CHL1: variants seen among roughly 807,000 people sequenced by gnomAD.
The protein encoded by CHL1 is cell adhesion molecule L1 like.
In CHL1, 96 loss-of-function variants were observed where a neutral mutation model predicts 141.9. The observed-to-expected ratio is 0.68, with a 90% confidence interval of 0.57 to 0.80. The LOEUF (loss-of-function observed/expected upper bound fraction) is 0.80, where lower values mean the gene tolerates loss of function less well. Ranked by LOEUF, CHL1 falls within the 30% of genes least tolerant of loss-of-function variation. The pLI is 0.00. For missense variants in CHL1, 1,820 were observed against 1,457.2 expected, an observed-to-expected ratio of 1.25 and a Z score of -4.05; for synonymous variants, 613 against 502.2, an observed-to-expected ratio of 1.22 and a Z score of -2.95.
At chr3:340,142 C>T (rs1285875830) in intron 5 of CHL1, among the ~76,000 whole-genome samples, 3 of 152,098 alleles carry the variant, frequency 2.0e-5, no homozygotes, top group Non-Finnish European at 4.4e-5. Context: ...AAATTGACTC[C>T]AGTGTGGGGA....
intron 2 of CHL1, among the ~76,000 whole-genome samples, chr3:313,645 A>C (rs1370685680): frequency 6.6e-6 from 1 of 152,188 alleles, no homozygotes; most frequent in Non-Finnish European, 1.5e-5. Flanking sequence ...TTTTAAAATA[A>C]TTTGTTTTAG....
chr3:317,036 A>G (rs147983245), intron 2 of CHL1, among the ~76,000 whole-genome samples: 9 of 152,088 alleles, frequency 5.9e-5, no homozygotes, highest in African/African-American at 1.7e-4. Flanking sequence ...TGGAGCTTTC[A>G]TCGTCAGCTA....
chr3:402,693 G>A (rs972672544), intron 27 of CHL1, among the ~76,000 whole-genome samples: 3 of 151,926 alleles, frequency 2.0e-5, no homozygotes, highest in African/African-American at 4.8e-5. Flanking sequence ...CCATTTTGTG[G>A]TATACTTATT....
chr3:327,508 G>A (rs1701107906), intron 4 of CHL1, among the ~76,000 whole-genome samples: 1 of 151,772 alleles, frequency 6.6e-6, no homozygotes, highest in Non-Finnish European at 1.5e-5. Context: ...TTATTTCTAA[G>A]GAACTGGCAT....
At chr3:336,089 C>G (rs1370872096) in intron 5 of CHL1, among the ~76,000 whole-genome samples, 2 of 152,104 alleles carry the variant, frequency 1.3e-5, no homozygotes, top group African/African-American at 4.8e-5. Flanking sequence ...TCAAAGATCG[C>G]ATAGGAAGAG....
chr3:210,958 G>T (rs183309311), intron 1 of CHL1, among the ~76,000 whole-genome samples: 1 of 152,200 alleles, frequency 6.6e-6, no homozygotes, highest in South Asian at 2.1e-4. Context: ...TGAGAATACT[G>T]TTGGCTAAGA....
chr3:200,255 G>C (rs1046411785), intron 1 of CHL1, among the ~76,000 whole-genome samples: 2 of 152,122 alleles, frequency 1.3e-5, no homozygotes, highest in Non-Finnish European at 2.9e-5. Context: ...TAAAAATCTA[G>C]CAGCAATGCA....
chr3:249,429 G>C (rs1459589834), intron 2 of CHL1, among the ~76,000 whole-genome samples: 1 of 152,144 alleles, frequency 6.6e-6, no homozygotes, highest in Non-Finnish European at 1.5e-5. Context: ...GAAGAAACAT[G>C]TCAAAGCTCA....
At chr3:393,157 C>T (rs563544798) in intron 23 of CHL1, among the ~76,000 whole-genome samples, 8 of 140,634 alleles carry the variant, frequency 5.7e-5, no homozygotes, top group African/African-American at 2.1e-4. Context: ...GGCGTGAACC[C>T]GGGAGGCAGA....
chr3:261,830 G>A (rs1366366705), intron 2 of CHL1, among the ~76,000 whole-genome samples: 1 of 152,006 alleles, frequency 6.6e-6, no homozygotes, highest in East Asian at 1.9e-4. Context: ...AATCTTCAAT[G>A]TTTTACTGGA....
Position 395,410 on chromosome 3 carries a change from C to T in CHL1, c.3094+538C>T, listed in dbSNP as rs1390446997. Among the ~76,000 whole-genome samples, 5 of 152,194 alleles carry T rather than the reference C, an allele frequency of 3.3e-5. No homozygotes were observed. The East Asian group carries it at 9.6e-4, about 29-fold the overall frequency. On this transcript the variant is annotated intron_variant, in intron 24 of 27. Transcript: ENST00000256509. ...TGGTTTCACTTGTAACACAATTATCCTAATTCAATTACACTTTTCTGTTTT... is the reference window on the plus strand; with the variant it reads ...TGGTTTCACTTGTAACACAATTATCTTAATTCAATTACACTTTTCTGTTTT...
chr3:401,653 A>G lies in CHL1; in HGVS notation c.3413A>G (p.Asp1138Gly), dbSNP rs1709146395. The G allele has an allele frequency of 6.3e-7, 1 of 1,597,838 alleles. No individual in the cohort carries two copies. The highest frequency in any genetic ancestry group is 8.5e-7 in the Non-Finnish European group (1 of 1,172,594). Residue 1138 changes from aspartate (D) to glycine (G), a missense_variant, in exon 27 of 28, where the codon GAC becomes GGC. By Grantham distance (94) the Asp-to-Gly change is moderately conservative. Transcript: ENST00000256509. ...SVKEKEDLHP[D>G]PEIQSVKDET... The stretch of plus-strand genomic sequence containing the variant: ...AAAGAAAAGGAAGATTTGCATCCAG[A>G]CCCAGAAATTCAGTCAGTAAAAGAT...
chr3:379,436 G>A (rs1253587116), intron 16 of CHL1, among the ~76,000 whole-genome samples: 2 of 152,032 alleles, frequency 1.3e-5, no homozygotes, highest in Non-Finnish European at 1.5e-5. Flanking sequence ...TAATCCCCTA[G>A]GATGATTTCA....
At chr3:238,698 G>T (rs1692232578) in intron 1 of CHL1, among the ~76,000 whole-genome samples, 1 of 152,002 alleles carries the variant, frequency 6.6e-6, no homozygotes, top group Non-Finnish European at 1.5e-5. Context: ...GCCGAGGTGG[G>T]TGGATCACCT....
intron 2 of CHL1, among the ~76,000 whole-genome samples, chr3:254,177 C>A (rs1331523195): frequency 6.6e-6 from 1 of 152,140 alleles, no homozygotes; most frequent in Non-Finnish European, 1.5e-5. Context: ...TGTGCAATGT[C>A]ATGTCCCCTT....
rs1575307695 is a variant in CHL1 at position 402,075 on chromosome 3, GGTAA to G, written c.3458+384_3458+387del. Among the ~76,000 whole-genome samples the G allele has an allele frequency of 1.3e-5, 2 of 152,262 alleles. 1 individual carries two copies. The highest frequency in any genetic ancestry group is 3.9e-4 in the East Asian group (2 of 5,184). ...ATACCTACAGCGTTGCACCTGCAAA[GGTAA>G]GTAAGTTACAAACCCTGTCCTCTAG... On this transcript the variant is annotated intron_variant, in intron 27 of 27. Coordinates refer to ENST00000256509, the MANE Select transcript of CHL1 (RefSeq NM_006614.4).
chr3:330,670 T>A (rs2125089623), intron 5 of CHL1, among the ~76,000 whole-genome samples: 1 of 152,278 alleles, frequency 6.6e-6, no homozygotes, highest in East Asian at 1.9e-4. Flanking sequence ...ATAGAAGAAT[T>A]GAAATCAGAA....
At position 363,368 on chromosome 3, in the gene CHL1, A is replaced by G. The variant is rs1458743603; in HGVS notation, c.1570A>G (p.Asn524Asp). 2.9e-5 allele frequency: 47 copies of G among 1,610,794 alleles called. No individual in the cohort carries two copies. Among genetic ancestry groups the G allele is most frequent in the Non-Finnish European group, 3.3e-5 (39 of 1,178,826 alleles). Residue 524 changes from asparagine to aspartate, a missense_variant, in exon 14 of 28, where the codon AAT becomes GAT. Asn to Asp is a conservative substitution (Grantham distance 23). Coordinates refer to ENST00000256509, the MANE Select transcript of CHL1 (RefSeq NM_006614.4). Reference sequence around the variant, plus strand: ...TATAGGAAAAACTGCAGTCACAGCCAATTTGGATATTAGAAGTATTTTTAT... The same window carrying G: ...TATAGGAAAAACTGCAGTCACAGCCGATTTGGATATTAGAAGTATTTTTAT... ...NAIGKTAVTA[N>D]LDIRNATKLR...
intron 19 of CHL1, among the ~76,000 whole-genome samples, chr3:385,299 C>G (rs1031342754): frequency 3.9e-5 from 6 of 152,136 alleles, no homozygotes; most frequent in African/African-American, 7.2e-5. Context: ...CTCACTACTC[C>G]TTTGGGAGGG....
Sources: allele counts gnomAD v4.1 joint callset (sites outside exome capture counted in the v4.1 genomes callset), GRCh38; gene constraint gnomAD v4.1.1; transcripts MANE v1.5; gene names NCBI Gene and HGNC (gene_info 2026-07-23, HGNC 2026-07-21).